Variants in NUFIP1 observed in about 807,000 individuals in gnomAD.
NUFIP1 encodes FMR1-interacting protein NUFIP1.
In NUFIP1, 38 loss-of-function variants were observed where a neutral mutation model predicts 56.2. That is an observed-to-expected ratio of 0.68 (90% confidence interval 0.52 to 0.89). The LOEUF is 0.89. Ranked by LOEUF, NUFIP1 falls within the 40% of genes least tolerant of loss-of-function variation. NUFIP1 has a pLI of 0.00. For missense variants in NUFIP1, 567 were observed against 605.8 expected, an observed-to-expected ratio of 0.94 and a Z score of 0.67; for synonymous variants, 215 against 212.4, an observed-to-expected ratio of 1.01 and a Z score of -0.10.
chr13:44,985,535 GCTGT>G (rs1872353253), intron 1 of NUFIP1, among the ~76,000 whole-genome samples: 1 of 152,110 alleles, frequency 6.6e-6, no homozygotes, highest in Non-Finnish European at 1.5e-5. Context: ...ACAACAATGT[GCTGT>G]CTTTGTGTCA....
At chr13:44,970,312 C>A (rs74068017) in intron 5 of NUFIP1, among the ~76,000 whole-genome samples, 95 of 152,168 alleles carry the variant, frequency 6.2e-4, no homozygotes, top group African/African-American at 2.0e-3. Flanking sequence ...GTCTGACTAA[C>A]CTGAAAAATA....
At chr13:44,955,401 T>C (rs1467213235) in intron 7 of NUFIP1, among the ~76,000 whole-genome samples, 1 of 152,198 alleles carries the variant, frequency 6.6e-6, no homozygotes. Context: ...AGGCAATGAT[T>C]TTCCAAGCAT....
chr13:44,951,480 A>C (rs1871081850), intron 7 of NUFIP1, among the ~76,000 whole-genome samples: 1 of 152,220 alleles, frequency 6.6e-6, no homozygotes. Context: ...AATTGTTACC[A>C]GTGAGCTAGA....
At chr13:44,950,447 G>A (rs1419008212) in intron 7 of NUFIP1, among the ~76,000 whole-genome samples, 1 of 152,134 alleles carries the variant, frequency 6.6e-6, no homozygotes, top group Admixed American at 6.5e-5. Flanking sequence ...CCAGGCCCAA[G>A]CAATTATCTT....
intron 5 of NUFIP1, among the ~76,000 whole-genome samples, chr13:44,969,342 GA>G (rs936648001): frequency 1.5e-4 from 23 of 150,620 alleles, no homozygotes; most frequent in Admixed American, 6.6e-4. Flanking sequence ...AATGAATAAC[GA>G]AAAAAAAGGA....
At chr13:44,949,263 G>A (rs370565650) in intron 8 of NUFIP1, among the ~76,000 whole-genome samples, 31 of 139,800 alleles carry the variant, frequency 2.2e-4, no homozygotes, top group Admixed American at 8.8e-4. Context: ...GTGCAGTGGC[G>A]GGATCTCGGC....
chr13:44,970,219 G>A (rs1394723559), intron 5 of NUFIP1, among the ~76,000 whole-genome samples: 1 of 152,152 alleles, frequency 6.6e-6, no homozygotes, highest in Non-Finnish European at 1.5e-5. Flanking sequence ...ACTTTTTTTG[G>A]TGGCTTTTTT....
intron 5 of NUFIP1, among the ~76,000 whole-genome samples, chr13:44,966,440 A>G (rs926032046): frequency 1.3e-4 from 19 of 151,774 alleles, no homozygotes; most frequent in South Asian, 8.4e-4. Context: ...TCAGCCTCCC[A>G]AGTAGCTGGG....
At chr13:44,968,171 G>A (rs916862200) in intron 5 of NUFIP1, among the ~76,000 whole-genome samples, 1 of 152,034 alleles carries the variant, frequency 6.6e-6, no homozygotes, top group African/African-American at 2.4e-5. Flanking sequence ...GATGATTAAT[G>A]TACAAACTAT....
intron 6 of NUFIP1, among the ~76,000 whole-genome samples, chr13:44,961,090 TG>T (rs1215345259): frequency 6.6e-6 from 1 of 150,758 alleles, no homozygotes; most frequent in Non-Finnish European, 1.5e-5. Flanking sequence ...CGTATTTATG[TG>T]AGCATCTTCT....
intron 5 of NUFIP1, among the ~76,000 whole-genome samples, chr13:44,976,199 C>T (rs922362957): frequency 3.9e-5 from 6 of 152,202 alleles, no homozygotes; most frequent in East Asian, 3.8e-4. Flanking sequence ...TCCATACCAT[C>T]GTCATCAGCT....
At chr13:44,970,436 T>C (rs1038980629) in intron 5 of NUFIP1, among the ~76,000 whole-genome samples, 2 of 152,214 alleles carry the variant, frequency 1.3e-5, no homozygotes, top group East Asian at 3.8e-4. Flanking sequence ...GTGAAATCTT[T>C]CACAAGCTTT....
chr13:44,962,748 C>T (rs188897869), intron 6 of NUFIP1, among the ~76,000 whole-genome samples: 4 of 152,282 alleles, frequency 2.6e-5, no homozygotes, highest in East Asian at 1.9e-4. Context: ...CAGTTCTGCA[C>T]GTTCTATTCA....
At chr13:44,970,201 A>G (rs941787569) in intron 5 of NUFIP1, among the ~76,000 whole-genome samples, 2 of 152,248 alleles carry the variant, frequency 1.3e-5, no homozygotes, top group Non-Finnish European at 2.9e-5. Context: ...AGGAATTAAG[A>G]AAGAATAACT....
intron 8 of NUFIP1, among the ~76,000 whole-genome samples, chr13:44,947,655 T>C (rs554076952): frequency 6.6e-6 from 1 of 152,284 alleles, no homozygotes; most frequent in East Asian, 1.9e-4. Context: ...AAGACATGAG[T>C]ATAAAAATAC....
intron 5 of NUFIP1, among the ~76,000 whole-genome samples, chr13:44,978,667 C>T (rs1214763492): frequency 6.6e-6 from 1 of 152,132 alleles, no homozygotes; most frequent in Non-Finnish European, 1.5e-5. Flanking sequence ...AGAACAAGCA[C>T]CTGTATCTCT....
chr13:44,963,695 C>T (rs1370231137), intron 6 of NUFIP1, among the ~76,000 whole-genome samples: 1 of 151,984 alleles, frequency 6.6e-6, no homozygotes, highest in Non-Finnish European at 1.5e-5. Flanking sequence ...GGAATAAATC[C>T]CATTTAGTCA....
chr13:44,951,317 T>C (rs1871078287), intron 7 of NUFIP1, among the ~76,000 whole-genome samples: 2 of 152,216 alleles, frequency 1.3e-5, no homozygotes, highest in South Asian at 2.1e-4. Context: ...TAGTTGAATA[T>C]TATGCTCTTC....
rs1870728784 is a variant in NUFIP1 at position 44,941,336 on chromosome 13, T to TA, written c.1372-15dup. 1.4e-6 allele frequency: 2 copies of TA among 1,469,394 alleles called. No homozygotes were observed. The highest frequency in any genetic ancestry group is 1.9e-6 in the Non-Finnish European group (2 of 1,060,970). 91.0% of individuals were successfully genotyped at this position (1,469,394 alleles called of 1,614,324 possible). A position where few individuals can be genotyped will look rare whatever the true frequency, so the allele number is the denominator to read the frequency against. On this transcript the variant is annotated splice_polypyrimidine_tract_variant and intron_variant, in intron 9 of 9. Transcript: ENST00000379161. ...CGGAGCTAGAAGCTAAAACACAATTTAAAAAAAGATGAGGTAGTAAATAAA... is the reference window on the plus strand; with the variant it reads ...CGGAGCTAGAAGCTAAAACACAATTTAAAAAAAAGATGAGGTAGTAAATAAA...
Sources: allele counts gnomAD v4.1 joint callset (sites outside exome capture counted in the v4.1 genomes callset), GRCh38; gene constraint gnomAD v4.1.1; transcripts MANE v1.5; gene names NCBI Gene and HGNC (gene_info 2026-07-23, HGNC 2026-07-21).